PDE4D: variants seen among roughly 807,000 people sequenced by gnomAD.
PDE4D encodes 3',5'-cyclic-AMP phosphodiesterase 4D.
Under a neutral mutation model 87.4 loss-of-function variants are expected in PDE4D, and 24 were observed. The observed-to-expected ratio is 0.27, with a 90% CI of 0.20 to 0.39. The LOEUF is 0.39. Ranked by LOEUF, PDE4D falls within the 10% of genes least tolerant of loss-of-function variation. PDE4D has a pLI of 1.00. For missense variants in PDE4D, 714 were observed against 1,041.0 expected (o/e 0.69, Z 4.32); for synonymous variants, 384 against 383.2 (o/e 1.00, Z -0.02).
intron 1 of PDE4D, among the ~76,000 whole-genome samples, chr5:60,296,947 G>T (rs915103748): frequency 6.6e-6 from 1 of 152,056 alleles, no homozygotes; most frequent in Non-Finnish European, 1.5e-5. Context: ...GTCGGGAGGT[G>T]GGGGGCAAGG....
chr5:59,617,233 A>G (rs934130165), intron 1 of PDE4D, among the ~76,000 whole-genome samples: 6 of 152,000 alleles, frequency 3.9e-5, no homozygotes, highest in African/African-American at 1.4e-4. Flanking sequence ...TCAACCTTGA[A>G]GAGCTCAATT....
At chr5:60,033,613 A>T (rs926743211) in intron 2 of PDE4D, among the ~76,000 whole-genome samples, 1 of 152,188 alleles carries the variant, frequency 6.6e-6, no homozygotes, top group African/African-American at 2.4e-5. Flanking sequence ...TTCCATGCTA[A>T]TTAATTTCAC....
At chr5:59,581,636 T>C (rs1158620370) in intron 1 of PDE4D, among the ~76,000 whole-genome samples, 1 of 152,198 alleles carries the variant, frequency 6.6e-6, no homozygotes, top group African/African-American at 2.4e-5. Context: ...TAAAGACTAT[T>C]TTTCATTTCC....
chr5:59,638,844 C>T (rs1741058092), intron 1 of PDE4D, among the ~76,000 whole-genome samples: 1 of 152,072 alleles, frequency 6.6e-6, no homozygotes, highest in South Asian at 2.1e-4. Flanking sequence ...CTGAAGCCCC[C>T]AGTTCTCATA....
At chr5:59,227,231 G>C (rs17443688) in intron 1 of PDE4D, among the ~76,000 whole-genome samples, 10,145 of 152,138 alleles carry the variant, frequency 0.067, 378 homozygotes, top group Non-Finnish European at 0.071. Flanking sequence ...TGTTAACAAA[G>C]TGGGGCTCAA....
intron 1 of PDE4D, among the ~76,000 whole-genome samples, chr5:60,388,396 TA>T (rs565491012): frequency 1.2e-4 from 17 of 142,920 alleles, no homozygotes; most frequent in East Asian, 8.1e-4. Flanking sequence ...TTATTTTTTC[TA>T]AAAAAAAAAT....
At chr5:59,415,358 G>T (rs1167285085) in intron 1 of PDE4D, among the ~76,000 whole-genome samples, 1 of 152,196 alleles carries the variant, frequency 6.6e-6, no homozygotes, top group African/African-American at 2.4e-5. Flanking sequence ...ACTTGCCCAG[G>T]TTGGCAACAA....
chr5:60,354,591 G>A lies in PDE4D; in HGVS notation c.-90+133351C>T, dbSNP rs114048800. 5.5e-3 allele frequency among the ~76,000 whole-genome samples: 841 copies of A among 152,220 alleles called. 10 individuals carry two copies. The highest frequency in any genetic ancestry group is 0.019 in the African/African-American group (803 of 41,530). On this transcript the variant is annotated intron_variant, in intron 1 of 16. Transcript: ENST00000502484. ...GCCCACATAAGGCAAACATTGAATT[G>A]CACCAACAAGGTAATCTCTATATGT...
intron 1 of PDE4D, among the ~76,000 whole-genome samples, chr5:59,416,782 G>A (rs542933103): frequency 6.6e-6 from 1 of 152,244 alleles, no homozygotes; most frequent in African/African-American, 2.4e-5. Flanking sequence ...GCTAAGGGGT[G>A]TAGTGCTTTT....
At chr5:59,160,763 G>A (rs912718160) in intron 5 of PDE4D, among the ~76,000 whole-genome samples, 3 of 151,746 alleles carry the variant, frequency 2.0e-5, no homozygotes, top group South Asian at 2.1e-4. Flanking sequence ...AGTGGCAGGC[G>A]TAATATGCCT....
chr5:59,432,446 T>G (rs961805524), intron 1 of PDE4D, among the ~76,000 whole-genome samples: 7 of 152,130 alleles, frequency 4.6e-5, no homozygotes, highest in African/African-American at 1.7e-4. Context: ...TGCTAATATA[T>G]TCTTACTGAT....
intron 1 of PDE4D, among the ~76,000 whole-genome samples, chr5:59,708,572 C>A (rs1580580076): frequency 6.6e-6 from 1 of 152,214 alleles, no homozygotes; most frequent in African/African-American, 2.4e-5. Flanking sequence ...TCCTTGGTAA[C>A]AAAAGCTTGC....
intron 1 of PDE4D, among the ~76,000 whole-genome samples, chr5:59,260,032 G>A (rs1003479716): frequency 6.6e-6 from 1 of 151,744 alleles, no homozygotes; most frequent in Non-Finnish European, 1.5e-5. Context: ...TGATACACAA[G>A]GGACTCCCCT....
At chr5:60,132,939 C>T (rs1017531961) in intron 2 of PDE4D, among the ~76,000 whole-genome samples, 1 of 152,178 alleles carries the variant, frequency 6.6e-6, no homozygotes, top group African/African-American at 2.4e-5. Context: ...TCAGGCATAT[C>T]CCTGTTGTCT....
chr5:60,038,802 A>C (rs969146370), intron 2 of PDE4D, among the ~76,000 whole-genome samples: 4 of 151,844 alleles, frequency 2.6e-5, no homozygotes, highest in African/African-American at 9.7e-5. Context: ...TTCTCAAAAG[A>C]AGACATTTAT....
At chr5:59,200,719 A>G (rs1561692886) in intron 2 of PDE4D, among the ~76,000 whole-genome samples, 1 of 138,734 alleles carries the variant, frequency 7.2e-6, no homozygotes, top group Non-Finnish European at 1.5e-5. Flanking sequence ...ACGTATACAT[A>G]CATATGTGTA....
chr5:59,924,697 T>C lies in PDE4D; in HGVS notation c.272+63791A>G, dbSNP rs1755048664. On this transcript the variant is annotated intron_variant, in intron 3 of 16. Coordinates refer to the PDE4D transcript ENST00000502484. ...TATGTCATCAACAACAGACCTGTCCTATAAGAAATGCTAAAGGGATTTCTT... is the reference window on the plus strand; with the variant it reads ...TATGTCATCAACAACAGACCTGTCCCATAAGAAATGCTAAAGGGATTTCTT... Among the ~76,000 whole-genome samples the C allele has an allele frequency of 3.9e-5, 6 of 152,152 alleles. No homozygotes were observed. The South Asian group carries it at 1.2e-3, about 31-fold the overall frequency.
At chr5:59,128,745 TA>T (rs1345529915) in intron 5 of PDE4D, among the ~76,000 whole-genome samples, 1 of 152,336 alleles carries the variant, frequency 6.6e-6, no homozygotes, top group African/African-American at 2.4e-5. Context: ...GAGTGACCCA[TA>T]GTAAGCTTAT....
chr5:59,654,486 C>T (rs1212191570), intron 1 of PDE4D, among the ~76,000 whole-genome samples: 2 of 152,180 alleles, frequency 1.3e-5, no homozygotes, highest in Non-Finnish European at 2.9e-5. Flanking sequence ...TGATTTGTAT[C>T]AGGAAGGTCA....
Sources: gnomAD v4.1 joint callset for allele counts (sites outside exome capture counted in the v4.1 genomes callset) on GRCh38, gnomAD v4.1.1 for gene constraint, MANE v1.5 for transcripts, NCBI Gene and HGNC (gene_info 2026-07-23, HGNC 2026-07-21) for gene names.